Variants in SLC13A1 observed in about 807,000 individuals in gnomAD.
SLC13A1 encodes the protein Na(+)/sulfate cotransporter.
In SLC13A1, 65 loss-of-function variants were observed where a neutral mutation model predicts 70.0. The observed-to-expected ratio is 0.93, with a 90% CI of 0.76 to 1.14. The LOEUF (loss-of-function observed/expected upper bound fraction) is 1.14, where lower values mean the gene tolerates loss of function less well. Ranked by LOEUF, SLC13A1 falls within the 50% of genes most tolerant of loss-of-function variation. The pLI is 0.00. For synonymous variants in SLC13A1, 275 were observed against 250.5 expected (o/e 1.10, Z -0.92); for missense variants, 726 against 717.8 (o/e 1.01, Z -0.13).
At chr7:123,122,657 T>TG (rs1217116379) in intron 12 of SLC13A1, among the ~76,000 whole-genome samples, 1 of 152,204 alleles carries the variant, frequency 6.6e-6, no homozygotes, top group Non-Finnish European at 1.5e-5. Flanking sequence ...AAACATTTAC[T>TG]AATTATCTTT....
At chr7:123,160,270 C>CAAA (rs1384770804) in intron 6 of SLC13A1, among the ~76,000 whole-genome samples, 2 of 53,906 alleles carry the variant, frequency 3.7e-5, no homozygotes, top group East Asian at 6.4e-4. Flanking sequence ...GACTCAGTCT[C>CAAA]AAAAAAAAAA....
intron 6 of SLC13A1, among the ~76,000 whole-genome samples, chr7:123,160,065 T>C (rs1035643755): frequency 6.6e-6 from 1 of 151,924 alleles, no homozygotes; most frequent in African/African-American, 2.4e-5. Flanking sequence ...GGGCGAATTA[T>C]GAGGTCAGGA....
intron 7 of SLC13A1, among the ~76,000 whole-genome samples, chr7:123,144,978 C>A (rs1252822170): frequency 2.6e-5 from 4 of 152,134 alleles, no homozygotes; most frequent in African/African-American, 9.7e-5. Context: ...GACCTTTTGA[C>A]TGATGACAGT....
At chr7:123,177,586 A>G (rs1795489940) in intron 2 of SLC13A1, among the ~76,000 whole-genome samples, 1 of 151,702 alleles carries the variant, frequency 6.6e-6, no homozygotes, top group Non-Finnish European at 1.5e-5. Context: ...CTTTTTAGTT[A>G]CTCTTTTCCA....
chr7:123,195,628 G>A (rs1005609876), intron 1 of SLC13A1, among the ~76,000 whole-genome samples: 2 of 151,796 alleles, frequency 1.3e-5, no homozygotes, highest in Admixed American at 6.6e-5. Context: ...CTCTCATCAT[G>A]TATCATTTTA....
intron 1 of SLC13A1, among the ~76,000 whole-genome samples, chr7:123,182,922 C>A (rs999172016): frequency 2.0e-5 from 3 of 152,030 alleles, no homozygotes; most frequent in African/African-American, 7.2e-5. Context: ...GCATTCAAAC[C>A]CACCTTCACT....
chr7:123,129,450 T>C lies in SLC13A1; in HGVS notation c.964A>G (p.Lys322Glu). ...GCACAAGCTTTTTGTTGGACTGTTT[T>C]GGTTTTGCCACATTTGAACATCTCC... Reference protein sequence around the residue: ...FKEMFKCGKTKTVQQKACAEV... With the variant: ...FKEMFKCGKTETVQQKACAEV... Residue 322 changes from lysine to glutamate, a missense_variant, in exon 9 of 15, where the codon AAA becomes GAA. Lys to Glu is a moderately conservative substitution (Grantham distance 56). Transcript: ENST00000194130. 6.2e-7 allele frequency: 1 copy of C among 1,613,098 alleles called. No individual in the cohort carries two copies. The highest frequency in any genetic ancestry group is 1.3e-5 in the African/African-American group (1 of 74,958).
intron 10 of SLC13A1, among the ~76,000 whole-genome samples, chr7:123,127,438 TA>T (rs1793598479): frequency 6.6e-6 from 1 of 152,152 alleles, no homozygotes; most frequent in Non-Finnish European, 1.5e-5. Flanking sequence ...GGTGTTTAGA[TA>T]AAGACTCTCC....
rs1010666413 is a variant in SLC13A1 at position 123,125,836 on chromosome 7, G to A, written c.1134-161C>T. 2.6e-5 allele frequency among the ~76,000 whole-genome samples: 4 copies of A among 152,054 alleles called. No homozygotes were observed. In the East Asian group the frequency reaches 5.8e-4, roughly 22 times the overall value. ...TCTGCCCTAAAATATATGGATTCCC[G>A]ATTAAATGACACAACACTAAAAACA... On this transcript the variant is annotated intron_variant, in intron 10 of 14. Transcript: ENST00000194130.
chr7:123,148,361 G>A (rs1225983890), intron 6 of SLC13A1: 6 of 336,952 alleles, frequency 1.8e-5, no homozygotes, highest in Middle Eastern at 3.8e-4. Context: ...CATTTCCAAC[G>A]ATTTTCAGTT....
chr7:123,158,085 TA>T (rs919920496), intron 6 of SLC13A1, among the ~76,000 whole-genome samples: 5 of 151,058 alleles, frequency 3.3e-5, no homozygotes, highest in South Asian at 2.1e-4. Context: ...CCATAGTAAC[TA>T]AAAAAAAATT....
intron 2 of SLC13A1, among the ~76,000 whole-genome samples, chr7:123,177,741 C>A (rs1341401560): frequency 6.6e-6 from 1 of 152,094 alleles, no homozygotes; most frequent in African/African-American, 2.4e-5. Context: ...GGAGGTCTAA[C>A]CTGACCATCT....
At chr7:123,148,376 AC>A (rs1794435397) in intron 6 of SLC13A1, 2 of 357,564 alleles carry the variant, frequency 5.6e-6, no homozygotes, top group Non-Finnish European at 1.1e-5. Context: ...TCAGTTCTCC[AC>A]CTCAGTCACC....
intron 1 of SLC13A1, among the ~76,000 whole-genome samples, chr7:123,187,804 C>T (rs529269009): frequency 2.0e-5 from 3 of 151,706 alleles, no homozygotes; most frequent in Admixed American, 1.3e-4. Context: ...AATATTTTAC[C>T]ATTTATTTGT....
chr7:123,193,493 G>A (rs1040040399), intron 1 of SLC13A1, among the ~76,000 whole-genome samples: 8 of 152,148 alleles, frequency 5.3e-5, no homozygotes, highest in African/African-American at 1.9e-4. Context: ...AGGTTACTAC[G>A]TGATCCAGGC....
At chr7:123,132,738 A>G (rs1242655190) in intron 8 of SLC13A1, among the ~76,000 whole-genome samples, 2 of 152,138 alleles carry the variant, frequency 1.3e-5, no homozygotes, top group African/African-American at 4.8e-5. Context: ...TTTAAATAAA[A>G]CCCCACAAAA....
chr7:123,187,354 G>A (rs1265167817), intron 1 of SLC13A1, among the ~76,000 whole-genome samples: 1 of 152,068 alleles, frequency 6.6e-6, no homozygotes, highest in Non-Finnish European at 1.5e-5. Context: ...TTCTTTAGAA[G>A]CATTTTCAAA....
At chr7:123,136,888 C>T (rs568449105) in intron 7 of SLC13A1, among the ~76,000 whole-genome samples, 16 of 152,014 alleles carry the variant, frequency 1.1e-4, no homozygotes, top group South Asian at 2.1e-4. Context: ...GCATTCCAGA[C>T]GGAGGAAATA....
chr7:123,140,410 T>C (rs552658996), intron 7 of SLC13A1, among the ~76,000 whole-genome samples: 1 of 152,206 alleles, frequency 6.6e-6, no homozygotes, highest in Admixed American at 6.5e-5. Flanking sequence ...TTTATGTGTC[T>C]TTGTCTGGTT....
Sources: allele counts gnomAD v4.1 joint callset (sites outside exome capture counted in the v4.1 genomes callset), GRCh38; gene constraint gnomAD v4.1.1; transcripts MANE v1.5; gene names NCBI Gene and HGNC (gene_info 2026-07-23, HGNC 2026-07-21).